Variants in TENM4 observed in about 807,000 individuals in gnomAD.
TENM4 encodes teneurin-4.
Under a neutral mutation model 243.3 loss-of-function variants are expected in TENM4, and 82 were observed. That is an observed-to-expected ratio of 0.34 (90% CI 0.28 to 0.40). The LOEUF is 0.40. Among genes scored for constraint, TENM4 ranks in the 10% least tolerant of loss-of-function variants. The probability of loss-of-function intolerance (pLI) is 1.00; values close to 1 mark genes in which losing one functional copy is unlikely to be tolerated. For synonymous variants in TENM4, 1,412 were observed against 1,456.3 expected (o/e 0.97, Z 0.69); for missense variants, 3,138 against 3,673.3 (o/e 0.85, Z 3.77).
At chr11:79,115,741 G>A (rs1861605280) in intron 4 of TENM4, among the ~76,000 whole-genome samples, 1 of 152,200 alleles carries the variant, frequency 6.6e-6, no homozygotes, top group African/African-American at 2.4e-5. Context: ...TGCAAGCAAG[G>A]TGAGGAAACT....
At chr11:79,190,795 C>G (rs1863464956) in intron 3 of TENM4, among the ~76,000 whole-genome samples, 1 of 136,338 alleles carries the variant, frequency 7.3e-6, no homozygotes, top group African/African-American at 3.0e-5. Context: ...GTCTCCCTCT[C>G]CCTCTCCCTC....
chr11:79,048,339 C>A (rs1859708558), intron 6 of TENM4, among the ~76,000 whole-genome samples: 1 of 149,508 alleles, frequency 6.7e-6, no homozygotes. Context: ...GTGACTGCCA[C>A]CTTTTTTCCA....
intron 1 of TENM4, among the ~76,000 whole-genome samples, chr11:79,316,673 G>A (rs1856808098): frequency 1.3e-5 from 2 of 152,148 alleles, no homozygotes; most frequent in African/African-American, 4.8e-5. Flanking sequence ...TAATATTTCT[G>A]ATGGTTTGCT....
chr11:79,390,966 G>T (rs1462256903), intron 1 of TENM4, among the ~76,000 whole-genome samples: 2 of 152,154 alleles, frequency 1.3e-5, no homozygotes, highest in Non-Finnish European at 2.9e-5. Context: ...GTTCATTCTT[G>T]CCAGTCTAAC....
chr11:78,993,934 G>A (rs1186082353), intron 6 of TENM4, among the ~76,000 whole-genome samples: 1 of 152,032 alleles, frequency 6.6e-6, no homozygotes, highest in Non-Finnish European at 1.5e-5. Flanking sequence ...TGCACATTAT[G>A]GATATTAAGA....
chr11:78,938,084 C>G (rs1856824062), intron 6 of TENM4, among the ~76,000 whole-genome samples: 1 of 152,310 alleles, frequency 6.6e-6, no homozygotes, highest in East Asian at 1.9e-4. Flanking sequence ...AGTAGGAAAT[C>G]TGACTATGTT....
At chr11:78,818,811 T>C (rs528784737) in intron 12 of TENM4, among the ~76,000 whole-genome samples, 1 of 152,276 alleles carries the variant, frequency 6.6e-6, no homozygotes, top group South Asian at 2.1e-4. Context: ...CTGCCTTCAT[T>C]TAGCAGAAGG....
At chr11:78,973,849 A>G (rs1857596475) in intron 6 of TENM4, among the ~76,000 whole-genome samples, 1 of 151,888 alleles carries the variant, frequency 6.6e-6, no homozygotes, top group South Asian at 2.1e-4. Flanking sequence ...TAGCATGGTC[A>G]GGGAAGCCCT....
At chr11:79,430,950 C>G (rs959048178) in intron 1 of TENM4, among the ~76,000 whole-genome samples, 5 of 152,276 alleles carry the variant, frequency 3.3e-5, no homozygotes, top group South Asian at 2.1e-4. Context: ...TCCAAACGTG[C>G]TAGAAAAAAC....
At chr11:78,774,825 A>G (rs563015521) in intron 17 of TENM4, among the ~76,000 whole-genome samples, 2 of 152,346 alleles carry the variant, frequency 1.3e-5, no homozygotes, top group East Asian at 1.9e-4. Flanking sequence ...CTTAAATTCA[A>G]TAAACTTTAC....
Position 78,672,628 on chromosome 11 carries a change from A to T in TENM4, c.5497-299T>A, listed in dbSNP as rs542420328. Among the ~76,000 whole-genome samples, 56 of 152,338 alleles carry T rather than the reference A, an allele frequency of 3.7e-4. 1 individual carries two copies. In the South Asian group the frequency reaches 7.2e-3, roughly 20 times the overall value. On this transcript the variant is annotated intron_variant, in intron 30 of 33. Coordinates refer to ENST00000278550, the MANE Select transcript of TENM4 (RefSeq NM_001098816.3). ...CCAAAGAGGATCTGCATGTTTTCTA[A>T]TGTGATTCTTCTAATGAGGACACGT...
At chr11:79,042,947 C>T (rs555983093) in intron 6 of TENM4, among the ~76,000 whole-genome samples, 2,112 of 152,320 alleles carry the variant, frequency 0.014, 21 homozygotes, top group Non-Finnish European at 0.023. Context: ...AAGGTTCCAA[C>T]ACCTACATGT....
At chr11:79,313,727 C>T (rs1227709230) in intron 1 of TENM4, among the ~76,000 whole-genome samples, 1 of 152,184 alleles carries the variant, frequency 6.6e-6, no homozygotes, top group African/African-American at 2.4e-5. Context: ...CATCACCGAG[C>T]TCCAGCAGTG....
At chr11:79,192,689 A>G (rs1273398920) in intron 3 of TENM4, among the ~76,000 whole-genome samples, 1 of 151,978 alleles carries the variant, frequency 6.6e-6, no homozygotes, top group African/African-American at 2.4e-5. Flanking sequence ...TCCCTCCACT[A>G]GTGTCCTATG....
chr11:79,024,395 G>T (rs868190388), intron 6 of TENM4, among the ~76,000 whole-genome samples: 5 of 152,158 alleles, frequency 3.3e-5, no homozygotes, highest in Non-Finnish European at 7.3e-5. Context: ...AGAGAGGGGG[G>T]GCAGCATGGG....
rs148756875 is a variant in TENM4 at position 79,421,923 on chromosome 11, G to A, written c.-321+18586C>T. ...GCTGCCAATCATCACCCCCTTCAATGAGGCCCAAGGTGCAGATACCCCTTT... is the reference window on the plus strand; with the variant it reads ...GCTGCCAATCATCACCCCCTTCAATAAGGCCCAAGGTGCAGATACCCCTTT... On this transcript the variant is annotated intron_variant, in intron 1 of 33. Coordinates refer to ENST00000278550, the MANE Select transcript of TENM4 (RefSeq NM_001098816.3). Among the ~76,000 whole-genome samples, 333 of 152,160 alleles carry A rather than the reference G, an allele frequency of 2.2e-3. 1 individual carries two copies. The highest frequency in any genetic ancestry group is 6.8e-3 in the Middle Eastern group (2 of 294).
intron 2 of TENM4, among the ~76,000 whole-genome samples, chr11:79,295,692 A>G (rs1327321719): frequency 2.0e-5 from 3 of 152,136 alleles, no homozygotes; most frequent in Non-Finnish European, 2.9e-5. Flanking sequence ...GGAGAGACCA[A>G]TATGAATAGC....
intron 6 of TENM4, among the ~76,000 whole-genome samples, chr11:79,013,187 C>T (rs906531321): frequency 2.6e-5 from 4 of 152,164 alleles, no homozygotes; most frequent in African/African-American, 4.8e-5. Flanking sequence ...TGGTTAAGTG[C>T]TTCCTGGTAT....
chr11:78,839,381 T>C (rs545836482), intron 12 of TENM4, among the ~76,000 whole-genome samples: 1 of 152,234 alleles, frequency 6.6e-6, no homozygotes, highest in African/African-American at 2.4e-5. Flanking sequence ...CTCATTCAGA[T>C]GATACTTTAA....
Sources: allele counts gnomAD v4.1 joint callset (sites outside exome capture counted in the v4.1 genomes callset), GRCh38; gene constraint gnomAD v4.1.1; transcripts MANE v1.5; gene names NCBI Gene and HGNC (gene_info 2026-07-23, HGNC 2026-07-21).